The following AFF3 variants were observed in gnomAD, a reference collection of about 807,000 sequenced individuals.
AFF3 encodes the protein AF4/FMR2 family member 3.
In AFF3, 32 loss-of-function variants were observed where a neutral mutation model predicts 129.7. The ratio of observed to expected loss-of-function variants is 0.25; its 90% confidence interval spans 0.19 to 0.33. The LOEUF is 0.33. Ranked by LOEUF, AFF3 falls within the 10% of genes least tolerant of loss-of-function variation. The pLI, the probability that AFF3 is intolerant of heterozygous loss-of-function variation, is 1.00. For synonymous variants in AFF3, 644 were observed against 635.4 expected (o/e 1.01, Z -0.20); for missense variants, 1,373 against 1,592.0 (o/e 0.86, Z 2.34).
chr2:100,099,821 G>A (rs1409029626), intron 4 of AFF3, among the ~76,000 whole-genome samples: 1 of 152,210 alleles, frequency 6.6e-6, no homozygotes, highest in Non-Finnish European at 1.5e-5. Flanking sequence ...AAAGAAAGAG[G>A]ATAGGAAATA....
At chr2:99,587,883 G>A (rs1024663907) in intron 15 of AFF3, among the ~76,000 whole-genome samples, 25 of 151,844 alleles carry the variant, frequency 1.6e-4, no homozygotes, top group African/African-American at 5.8e-4. Flanking sequence ...GGTGGTGCAC[G>A]CCTGTAGTCC....
chr2:99,837,342 T>A, intron 8 of AFF3, 135 bp downstream of exon 8: 1 of 827,560 alleles, frequency 1.2e-6, no homozygotes, highest in Non-Finnish European at 1.9e-6. Context: ...TTTCAAAAAC[T>A]TATGTGACTA....
At chr2:99,882,152 G>A (rs1576267172) in intron 7 of AFF3, among the ~76,000 whole-genome samples, 1 of 151,578 alleles carries the variant, frequency 6.6e-6, no homozygotes, top group Non-Finnish European at 1.5e-5. Flanking sequence ...TTCTTTGGCT[G>A]TTCCTGCTTA....
chr2:99,829,316 C>G (rs1029915521), intron 8 of AFF3, among the ~76,000 whole-genome samples: 1 of 152,110 alleles, frequency 6.6e-6, no homozygotes, highest in African/African-American at 2.4e-5. Context: ...AGCTTCTGCA[C>G]AGCAAAAGAA....
At chr2:99,553,934 AAAAAAAAGAAAAAG>A (rs1213541031) in intron 24 of AFF3, among the ~76,000 whole-genome samples, 3 of 150,890 alleles carry the variant, frequency 2.0e-5, no homozygotes, top group African/African-American at 7.3e-5. Context: ...AAAAAAAAAA[AAAAAAAAGAAAAAG>A]AAAAAGAAAA....
intron 14 of AFF3, among the ~76,000 whole-genome samples, chr2:99,600,097 T>C (rs1679676125): frequency 2.0e-5 from 3 of 152,210 alleles, no homozygotes; most frequent in East Asian, 1.9e-4. Flanking sequence ...AAGGCTTTCA[T>C]AGGTTAATGT....
intron 4 of AFF3, among the ~76,000 whole-genome samples, chr2:100,075,751 G>T (rs1288699842): frequency 6.6e-6 from 1 of 152,122 alleles, no homozygotes; most frequent in South Asian, 2.1e-4. Context: ...GCATTTATCT[G>T]ATGATGTCTC....
chr2:99,619,418 C>T (rs887260625), intron 13 of AFF3, among the ~76,000 whole-genome samples: 2 of 152,180 alleles, frequency 1.3e-5, no homozygotes, highest in Non-Finnish European at 1.5e-5. Flanking sequence ...GGGTTTGTTC[C>T]CTGGGTGAGG....
intron 4 of AFF3, among the ~76,000 whole-genome samples, chr2:100,017,082 T>C (rs1489281244): frequency 6.6e-6 from 1 of 151,940 alleles, no homozygotes; most frequent in East Asian, 1.9e-4. Context: ...TTGGTGGTGG[T>C]GAAAGTGGTA....
At chr2:99,594,451 C>T (rs903480812) in intron 14 of AFF3, among the ~76,000 whole-genome samples, 162 bp from the exon 15 acceptor site, 1 of 152,114 alleles carries the variant, frequency 6.6e-6, no homozygotes, top group African/African-American at 2.4e-5. Flanking sequence ...TGTGTGGCAG[C>T]CCCATGTGGC....
chr2:100,072,258 G>C (rs574486510), intron 4 of AFF3, among the ~76,000 whole-genome samples: 9 of 152,154 alleles, frequency 5.9e-5, no homozygotes, highest in Non-Finnish European at 1.2e-4. Context: ...ATTCTCATAG[G>C]AGAGTAAACC....
At chr2:99,801,093 T>G (rs1249760396) in intron 8 of AFF3, among the ~76,000 whole-genome samples, 1 of 152,212 alleles carries the variant, frequency 6.6e-6, no homozygotes, top group Non-Finnish European at 1.5e-5. Context: ...TATATACCAA[T>G]GTGAAAGCTT....
chr2:99,777,965 A>C (rs959625541), intron 8 of AFF3, among the ~76,000 whole-genome samples: 6 of 151,810 alleles, frequency 4.0e-5, no homozygotes, highest in East Asian at 1.9e-4. Context: ...AAAAAAAAAA[A>C]AAAAAACAAA....
chr2:99,979,331 G>A (rs551187897), intron 7 of AFF3, among the ~76,000 whole-genome samples: 2 of 152,172 alleles, frequency 1.3e-5, no homozygotes, highest in Admixed American at 1.3e-4. Flanking sequence ...AAGAAAAGGG[G>A]TAAGAAGGCT....
chr2:99,657,503 G>A (rs1043642008), intron 12 of AFF3, among the ~76,000 whole-genome samples: 2 of 152,152 alleles, frequency 1.3e-5, no homozygotes, highest in Admixed American at 6.5e-5. Context: ...CCACCTAAAA[G>A]AGCTCTCTCT....
intron 8 of AFF3, among the ~76,000 whole-genome samples, chr2:99,766,571 C>T (rs577066503): frequency 2.0e-5 from 3 of 152,150 alleles, no homozygotes; most frequent in African/African-American, 7.2e-5. Flanking sequence ...TCTCCTTTTT[C>T]AGAAATAAGG....
intron 7 of AFF3, among the ~76,000 whole-genome samples, chr2:99,950,197 A>T (rs1206571871): frequency 6.6e-6 from 1 of 152,244 alleles, no homozygotes; most frequent in Non-Finnish European, 1.5e-5. Context: ...AAATAATTAT[A>T]TAATTAATTG....
intron 3 of AFF3, 200 bp from the exon 4 acceptor site, chr2:100,104,718 C>A: frequency 2.8e-5 from 27 of 960,938 alleles, no homozygotes; most frequent in Non-Finnish European, 3.3e-5. Flanking sequence ...AGCGAGCTCG[C>A]CGCGCCGCCG....
At chr2:99,745,850 C>G (rs1282351498) in intron 9 of AFF3, among the ~76,000 whole-genome samples, 1 of 152,158 alleles carries the variant, frequency 6.6e-6, no homozygotes, top group African/African-American at 2.4e-5. Flanking sequence ...CATCCTCTTT[C>G]TTTGCAAAAT....
Sources: allele counts gnomAD v4.1 joint callset (sites outside exome capture counted in the v4.1 genomes callset), GRCh38; gene constraint gnomAD v4.1.1; transcripts MANE v1.5; gene names NCBI Gene and HGNC (gene_info 2026-07-23, HGNC 2026-07-21).